The following FHIT variants were observed in gnomAD, a reference collection of about 807,000 sequenced individuals.
FHIT encodes the protein bis(5'-adenosyl)-triphosphatase.
Under a neutral mutation model 17.9 loss-of-function variants are expected in FHIT, and 19 were observed. The observed-to-expected ratio is 1.06, with a 90% CI of 0.74 to 1.56. The LOEUF (loss-of-function observed/expected upper bound fraction) is 1.56, where lower values mean the gene tolerates loss of function less well. FHIT is among the 40% of genes most tolerant of loss of function. The pLI is 0.00. For synonymous variants in FHIT, 81 were observed against 69.7 expected, an observed-to-expected ratio of 1.16 and a Z score of -0.81; for missense variants, 248 against 189.2, an observed-to-expected ratio of 1.31 and a Z score of -1.82.
At chr3:60,312,626 T>G (rs556222762) in intron 5 of FHIT, among the ~76,000 whole-genome samples, 3 of 152,282 alleles carry the variant, frequency 2.0e-5, no homozygotes, top group African/African-American at 7.2e-5. Flanking sequence ...GATTCTGCAT[T>G]TCCAATAGGT....
intron 4 of FHIT, among the ~76,000 whole-genome samples, chr3:60,656,437 C>T (rs1553689590): frequency 6.6e-6 from 1 of 152,178 alleles, no homozygotes; most frequent in Non-Finnish European, 1.5e-5. Context: ...AACCTGCTAC[C>T]ATGGGCCAAG....
chr3:61,087,536 C>T (rs1433668917), intron 2 of FHIT, among the ~76,000 whole-genome samples: 1 of 152,046 alleles, frequency 6.6e-6, no homozygotes, highest in East Asian at 1.9e-4. Flanking sequence ...ATTTTGTATG[C>T]AAAGTGCTTA....
At chr3:61,106,817 C>T (rs371232359) in intron 2 of FHIT, among the ~76,000 whole-genome samples, 2 of 152,218 alleles carry the variant, frequency 1.3e-5, no homozygotes, top group South Asian at 2.1e-4. Context: ...TGAGCCACCA[C>T]GCCTGGCTAA....
intron 7 of FHIT, among the ~76,000 whole-genome samples, chr3:59,989,027 G>A (rs569508794): frequency 5.9e-5 from 9 of 152,142 alleles, no homozygotes; most frequent in African/African-American, 1.7e-4. Flanking sequence ...GAGCAGTTTG[G>A]GGTAGGGATG....
At chr3:60,644,193 G>T (rs564490499) in intron 4 of FHIT, among the ~76,000 whole-genome samples, 4 of 152,152 alleles carry the variant, frequency 2.6e-5, no homozygotes, top group Admixed American at 6.5e-5. Flanking sequence ...GGTACTACAA[G>T]ACTGAAAAAG....
chr3:60,240,453 G>A (rs976233187), intron 5 of FHIT, among the ~76,000 whole-genome samples: 1 of 152,136 alleles, frequency 6.6e-6, no homozygotes, highest in Non-Finnish European at 1.5e-5. Context: ...AGCAGCTAAT[G>A]AAGACTTCAA....
intron 5 of FHIT, among the ~76,000 whole-genome samples, chr3:60,062,025 C>G (rs145548548): frequency 4.6e-5 from 7 of 152,140 alleles, no homozygotes; most frequent in Admixed American, 1.3e-4. Flanking sequence ...AGACCTGACT[C>G]AAAATAAGGC....
intron 8 of FHIT, among the ~76,000 whole-genome samples, chr3:59,889,961 C>G (rs1262533994): frequency 3.3e-5 from 5 of 152,160 alleles, no homozygotes; most frequent in Non-Finnish European, 7.4e-5. Context: ...TTATCTCTCT[C>G]TTTCATGTGA....
chr3:60,505,477 A>G (rs940827404), intron 5 of FHIT, among the ~76,000 whole-genome samples: 4 of 152,140 alleles, frequency 2.6e-5, no homozygotes, highest in African/African-American at 9.7e-5. Flanking sequence ...TTTCCCTAAA[A>G]CTTCTTTTAA....
At chr3:60,605,396 G>T (rs1344027343) in intron 4 of FHIT, among the ~76,000 whole-genome samples, 5 of 152,142 alleles carry the variant, frequency 3.3e-5, no homozygotes, top group African/African-American at 9.7e-5. Flanking sequence ...CCAGAGAAAG[G>T]TTCCACCTGA....
chr3:60,082,007 T>C (rs1227650728), intron 5 of FHIT, among the ~76,000 whole-genome samples: 6 of 152,122 alleles, frequency 3.9e-5, no homozygotes, highest in Non-Finnish European at 7.4e-5. Flanking sequence ...GGGGTGCACA[T>C]GTGGGTTTGT....
intron 4 of FHIT, among the ~76,000 whole-genome samples, chr3:60,669,865 A>G (rs1295129170): frequency 6.6e-6 from 1 of 152,192 alleles, no homozygotes; most frequent in African/African-American, 2.4e-5. Context: ...AGAATTGAAA[A>G]TAACAGCATT....
intron 5 of FHIT, among the ~76,000 whole-genome samples, chr3:60,014,897 C>T (rs1700283049): frequency 6.6e-6 from 1 of 151,944 alleles, no homozygotes; most frequent in Admixed American, 6.5e-5. Context: ...TTGGTCTCAG[C>T]AACATATAAG....
At chr3:60,625,447 T>C (rs1334566213) in intron 4 of FHIT, among the ~76,000 whole-genome samples, 3 of 152,212 alleles carry the variant, frequency 2.0e-5, no homozygotes, top group East Asian at 1.9e-4. Context: ...TTTTCAATTA[T>C]AGCCATCCTA....
intron 3 of FHIT, among the ~76,000 whole-genome samples, chr3:60,918,569 G>A (rs1313819289): frequency 6.6e-6 from 1 of 152,108 alleles, no homozygotes; most frequent in African/African-American, 2.4e-5. Flanking sequence ...ATTTGTGTAG[G>A]CTGAGAGGGT....
intron 5 of FHIT, among the ~76,000 whole-genome samples, chr3:60,241,546 G>T (rs1394772308): frequency 4.0e-5 from 6 of 151,834 alleles, no homozygotes; most frequent in African/African-American, 1.2e-4. Context: ...TAGTTTTTTT[G>T]CTTTTTTTGT....
Position 61,208,667 on chromosome 3 carries a change from T to G in FHIT, c.-212-8002A>C, listed in dbSNP as rs555894555. Among the ~76,000 whole-genome samples the G allele has an allele frequency of 4.2e-4, 64 of 152,020 alleles. 2 individuals are homozygous for G. Among genetic ancestry groups the G allele is most frequent in the African/African-American group, 1.3e-3 (56 of 41,528 alleles). ...CCTTTTTTTTTGTTTTCCATTTGCT[T>G]GGTAGATCTTCCTCCATCCCTTTAT... On this transcript the variant is annotated intron_variant, in intron 1 of 9. Coordinates refer to ENST00000492590, the MANE Select transcript of FHIT (RefSeq NM_002012.4).
intron 4 of FHIT, among the ~76,000 whole-genome samples, chr3:60,663,577 A>G (rs1553691716): frequency 6.6e-6 from 1 of 152,000 alleles, no homozygotes; most frequent in Non-Finnish European, 1.5e-5. Context: ...CTGGGATTAC[A>G]GGCACCCACC....
chr3:59,990,098 A>G (rs1486512303), intron 7 of FHIT, among the ~76,000 whole-genome samples: 2 of 152,224 alleles, frequency 1.3e-5, no homozygotes, highest in African/African-American at 4.8e-5. Flanking sequence ...AAAGACCATC[A>G]GCTAAAATAT....
Sources: gnomAD v4.1 joint callset for allele counts (sites outside exome capture counted in the v4.1 genomes callset) on GRCh38, gnomAD v4.1.1 for gene constraint, MANE v1.5 for transcripts, NCBI Gene and HGNC (gene_info 2026-07-23, HGNC 2026-07-21) for gene names.